SYT14: variants seen among roughly 807,000 people sequenced by gnomAD.
The protein encoded by SYT14 is synaptotagmin 14.
In SYT14, 32 loss-of-function variants were observed where a neutral mutation model predicts 74.2. That is an observed-to-expected ratio of 0.43 (90% CI 0.33 to 0.58). SYT14 has a LOEUF of 0.58. SYT14 is among the 20% of genes least tolerant of loss of function. SYT14 has a pLI of 0.05. For missense variants in SYT14, 791 were observed against 981.8 expected (o/e 0.81, Z 2.60); for synonymous variants, 298 against 337.7 (o/e 0.88, Z 1.29).
chr1:209,959,130 C>CT (rs1210083888), intron 2 of SYT14, among the ~76,000 whole-genome samples: 2 of 152,022 alleles, frequency 1.3e-5, no homozygotes, highest in Non-Finnish European at 2.9e-5. Flanking sequence ...CAAGATTATT[C>CT]TTTTTTTAAA....
chr1:210,018,227 G>C lies in SYT14; in HGVS notation c.1096+1128G>C, dbSNP rs868550440. ...CGGCTCACTGCCATCTCTGCCTCCC[G>C]GGTTCAAGCGATTCTCCTGCCTCAG... On this transcript the variant is annotated intron_variant, in intron 4 of 9. Transcript: ENST00000637265. Among the ~76,000 whole-genome samples, 14 of 152,054 alleles carry C rather than the reference G, an allele frequency of 9.2e-5. No individual in the cohort carries two copies. In the South Asian group the frequency reaches 2.9e-3, roughly 32 times the overall value.
chr1:210,070,064 A>G (rs949796752), intron 5 of SYT14, among the ~76,000 whole-genome samples: 6 of 152,084 alleles, frequency 3.9e-5, no homozygotes, highest in African/African-American at 1.4e-4. Context: ...GGTCACTTAA[A>G]CATCACTTAG....
intron 5 of SYT14, among the ~76,000 whole-genome samples, chr1:210,031,590 A>C (rs898519924): frequency 3.3e-5 from 5 of 152,200 alleles, no homozygotes; most frequent in Non-Finnish European, 7.4e-5. Context: ...AAATAGATAC[A>C]TACCTATTCA....
intron 5 of SYT14, among the ~76,000 whole-genome samples, chr1:210,092,988 C>T (rs1374912696): frequency 2.6e-5 from 4 of 152,072 alleles, no homozygotes; most frequent in Admixed American, 2.6e-4. Flanking sequence ...ATAACAGGTA[C>T]TTGAGCATTT....
chr1:210,036,051 T>A (rs2080655227), intron 5 of SYT14, among the ~76,000 whole-genome samples: 1 of 152,126 alleles, frequency 6.6e-6, no homozygotes. Context: ...GGGTTGTCTC[T>A]CCATTTGTTG....
chr1:210,142,645 A>G (rs553508719), intron 7 of SYT14, among the ~76,000 whole-genome samples: 2 of 152,296 alleles, frequency 1.3e-5, no homozygotes, highest in African/African-American at 4.8e-5. Flanking sequence ...ACCAGAAAAA[A>G]GATACAAGGC....
chr1:210,150,791 A>G (rs2083142132), intron 7 of SYT14, among the ~76,000 whole-genome samples: 1 of 152,228 alleles, frequency 6.6e-6, no homozygotes, highest in Non-Finnish European at 1.5e-5. Context: ...TTTCACCTTA[A>G]AAAATATTGA....
intron 5 of SYT14, among the ~76,000 whole-genome samples, chr1:210,036,679 TTGAGA>T (rs1386762306): frequency 6.6e-6 from 1 of 152,134 alleles, no homozygotes; most frequent in African/African-American, 2.4e-5. Context: ...TCAGCATCTG[TTGAGA>T]TGATAATATA....
chr1:210,149,906 C>T (rs1228923347), intron 7 of SYT14, among the ~76,000 whole-genome samples: 5 of 152,208 alleles, frequency 3.3e-5, no homozygotes, highest in African/African-American at 1.2e-4. Context: ...GGGGAGAAAG[C>T]AGGGACAGAC....
At chr1:210,002,832 T>C (rs1339253592) in intron 2 of SYT14, among the ~76,000 whole-genome samples, 2 of 152,154 alleles carry the variant, frequency 1.3e-5, no homozygotes, top group African/African-American at 4.8e-5. Flanking sequence ...TATTTAGATA[T>C]GAGCCTTTTC....
At chr1:210,030,300 C>T (rs1442651014) in intron 5 of SYT14, among the ~76,000 whole-genome samples, 1 of 151,970 alleles carries the variant, frequency 6.6e-6, no homozygotes, top group Non-Finnish European at 1.5e-5. Context: ...TGCCACCATG[C>T]CCATGCCCAT....
intron 1 of SYT14, among the ~76,000 whole-genome samples, chr1:209,945,353 T>C (rs1268682617): frequency 6.6e-6 from 1 of 152,190 alleles, no homozygotes; most frequent in East Asian, 1.9e-4. Context: ...TGTAACACTG[T>C]GTTTTAAATT....
At chr1:210,132,567 TTGTG>T (rs3031264) in intron 7 of SYT14, among the ~76,000 whole-genome samples, 2,086 of 145,058 alleles carry the variant, frequency 0.014, 40 homozygotes, top group African/African-American at 0.036. Context: ...ATTTTATATA[TTGTG>T]TGTGTGTGTG....
rs137988619 is a variant in SYT14, at chr1:210,048,596, G to A, written c.1312+27342G>A. Among the ~76,000 whole-genome samples the A allele has an allele frequency of 3.5e-3, 536 of 152,268 alleles. 2 individuals carry two copies. The highest frequency in any genetic ancestry group is 5.6e-3 in the Non-Finnish European group (379 of 68,020). On this transcript the variant is annotated intron_variant, in intron 5 of 9. Coordinates refer to ENST00000637265, the Ensembl canonical transcript of SYT14. ...CATCGAGTGCCTCCCATGTCACATG[G>A]AACTTGTGAGAGTTAAAATTCAAGA...
chr1:210,030,417 G>T lies in SYT14; in HGVS notation c.1312+9163G>T, dbSNP rs560034172. On this transcript the variant is annotated intron_variant, in intron 5 of 9. Transcript: ENST00000637265. ...GATCTGCCTGCCTCAGCTGCCCAAA[G>T]TGCTGAGATTATAGGTGTGAGCTAC... Among the ~76,000 whole-genome samples, 4 of 152,238 alleles carry T rather than the reference G, an allele frequency of 2.6e-5. No individual in the cohort carries two copies. In the East Asian group the frequency reaches 7.7e-4, roughly 29 times the overall value.
At chr1:209,993,167 C>T (rs759516104) in intron 2 of SYT14, among the ~76,000 whole-genome samples, 63 of 152,138 alleles carry the variant, frequency 4.1e-4, no homozygotes, top group Non-Finnish European at 8.4e-4. Context: ...CCTAGGGTTC[C>T]CCATCCCCCT....
rs563776747 is a variant in SYT14, at chr1:209,952,189, GAA to G, written c.-533-519_-533-518del. 2.2e-3 allele frequency among the ~76,000 whole-genome samples: 336 copies of G among 152,016 alleles called. 4 individuals carry two copies. The highest frequency in any genetic ancestry group is 7.8e-3 in the African/African-American group (322 of 41,514). ...ATTACGAAAGACTCTTTCCAAAAAA[GAA>G]TAATCAAAATATTTTTTAAAGTTAA... is the stretch of plus-strand genomic sequence containing the variant. On this transcript the variant is annotated intron_variant, in intron 1 of 9. Coordinates refer to ENST00000637265, the Ensembl canonical transcript of SYT14.
chr1:210,124,977 G>A (rs1402090881), intron 7 of SYT14, among the ~76,000 whole-genome samples: 2 of 152,054 alleles, frequency 1.3e-5, no homozygotes, highest in African/African-American at 2.4e-5. Context: ...GATTTGCGAA[G>A]TTAAAGTGAA....
intron 5 of SYT14, among the ~76,000 whole-genome samples, chr1:210,067,595 A>G (rs1258477921): frequency 1.3e-5 from 2 of 152,038 alleles, no homozygotes; most frequent in South Asian, 2.1e-4. Context: ...ACCTCTCTCT[A>G]TATATCACCA....
Sources: gnomAD v4.1 joint callset for allele counts (sites outside exome capture counted in the v4.1 genomes callset) on GRCh38, gnomAD v4.1.1 for gene constraint, MANE v1.5 for transcripts, NCBI Gene and HGNC (gene_info 2026-07-23, HGNC 2026-07-21) for gene names.